The following DPF3 variants were observed in gnomAD, a reference collection of about 807,000 sequenced individuals.
The protein encoded by DPF3 is double PHD fingers 3, also known as zinc finger protein DPF3.
A neutral mutation model predicts 56.8 loss-of-function variants in DPF3; 18 were observed. The ratio of observed to expected loss-of-function variants is 0.32; its 90% CI spans 0.22 to 0.47. The LOEUF (loss-of-function observed/expected upper bound fraction) is 0.47. DPF3 is among the 20% of genes least tolerant of loss of function. The pLI is 1.00. For synonymous variants in DPF3, 188 were observed against 180.2 expected (o/e 1.04, Z -0.35); for missense variants, 403 against 488.8 (o/e 0.82, Z 1.65).
chr14:72,753,141 A>C (rs2139901066), intron 3 of DPF3, 123 bp downstream of exon 3: 6 of 776,146 alleles, frequency 7.7e-6, no homozygotes, highest in Non-Finnish European at 1.0e-5. Context: ...TGATGTGGGC[A>C]TGTTCCCTCT....
chr14:72,644,975 C>A (rs1733144416), intron 8 of DPF3, among the ~76,000 whole-genome samples: 1 of 152,218 alleles, frequency 6.6e-6, no homozygotes, highest in Non-Finnish European at 1.5e-5. Context: ...TGGATAAGAC[C>A]TTATGATCCT....
At chr14:72,645,650 T>A (rs1885702055) in intron 8 of DPF3, among the ~76,000 whole-genome samples, 1 of 152,210 alleles carries the variant, frequency 6.6e-6, no homozygotes, top group Non-Finnish European at 1.5e-5. Context: ...CAGCATGAAG[T>A]AAGCTTCTTA....
chr14:72,750,351 C>T (rs547030145), intron 3 of DPF3, among the ~76,000 whole-genome samples: 4 of 152,214 alleles, frequency 2.6e-5, no homozygotes, highest in African/African-American at 9.6e-5. Flanking sequence ...TGCTAAAAGT[C>T]TTTGCTTCTA....
intron 1 of DPF3, among the ~76,000 whole-genome samples, chr14:72,795,229 C>T (rs888974562): frequency 6.1e-5 from 9 of 146,466 alleles, no homozygotes; most frequent in African/African-American, 2.0e-4. Flanking sequence ...TTGAAAGAAA[C>T]GCAGTTATGT....
At chr14:72,781,845 T>C (rs1048220154) in intron 1 of DPF3, among the ~76,000 whole-genome samples, 3 of 152,152 alleles carry the variant, frequency 2.0e-5, no homozygotes, top group African/African-American at 7.2e-5. Context: ...CTAAAGAATG[T>C]GTAGAATGCA....
intron 1 of DPF3, among the ~76,000 whole-genome samples, chr14:72,803,528 A>T (rs1205890174): frequency 6.6e-6 from 1 of 152,220 alleles, no homozygotes; most frequent in Non-Finnish European, 1.5e-5. Context: ...ATTTTTAGAT[A>T]CAAGACACAA....
chr14:72,696,112 C>T (rs1887889344), intron 6 of DPF3, among the ~76,000 whole-genome samples: 1 of 152,056 alleles, frequency 6.6e-6, no homozygotes, highest in African/African-American at 2.4e-5. Flanking sequence ...ATTTAGTTGC[C>T]AGGCATACTG....
chr14:72,629,586 T>G, intron 9 of DPF3, 38 bp downstream of exon 9: 1 of 1,512,804 alleles, frequency 6.6e-7, no homozygotes, highest in Non-Finnish European at 8.9e-7. Flanking sequence ...CCCAGCTCTG[T>G]GGATTTCTCC....
At chr14:72,647,564 A>G (rs912737929) in intron 8 of DPF3, among the ~76,000 whole-genome samples, 2 of 152,234 alleles carry the variant, frequency 1.3e-5, no homozygotes, top group Non-Finnish European at 2.9e-5. Flanking sequence ...TTAAAAACAA[A>G]CACAAATGCC....
At chr14:72,671,280 C>T (rs559967863) in intron 8 of DPF3, 353 of 1,613,986 alleles carry the variant, frequency 2.2e-4, no homozygotes, top group Non-Finnish European at 2.1e-4. Context: ...ATAAGTCCTC[C>T]GTGGTACGTG....
At chr14:72,713,819 G>A (rs1888765040) in intron 6 of DPF3, among the ~76,000 whole-genome samples, 1 of 152,172 alleles carries the variant, frequency 6.6e-6, no homozygotes, top group South Asian at 2.1e-4. Context: ...CCCTAGCTCT[G>A]TCTGCACGCC....
At chr14:72,777,145 C>A (rs1030193938) in intron 1 of DPF3, among the ~76,000 whole-genome samples, 1 of 152,182 alleles carries the variant, frequency 6.6e-6, no homozygotes, top group Non-Finnish European at 1.5e-5. Flanking sequence ...CCCCCAGAGG[C>A]GCCTCTTCCT....
chr14:72,812,482 C>T (rs542649085), intron 1 of DPF3, among the ~76,000 whole-genome samples: 134 of 152,222 alleles, frequency 8.8e-4, no homozygotes, highest in African/African-American at 3.1e-3. Flanking sequence ...GCAACATCCT[C>T]GGCAAGTCTG....
chr14:72,709,105 C>T (rs1044215758), intron 6 of DPF3, among the ~76,000 whole-genome samples: 1 of 152,260 alleles, frequency 6.6e-6, no homozygotes, highest in African/African-American at 2.4e-5. Context: ...AGACCCTAGA[C>T]CCTATTCTGA....
At chr14:72,888,041 G>A (rs990677239) in intron 1 of DPF3, among the ~76,000 whole-genome samples, 2 of 152,148 alleles carry the variant, frequency 1.3e-5, no homozygotes, top group Non-Finnish European at 1.5e-5. Flanking sequence ...AGGAGAGGGT[G>A]CAAAGTGGGG....
At chr14:72,687,511 G>A (rs1887464101) in intron 7 of DPF3, among the ~76,000 whole-genome samples, 1 of 152,102 alleles carries the variant, frequency 6.6e-6, no homozygotes, top group South Asian at 2.1e-4. Flanking sequence ...TACACAGAGG[G>A]GCATAGAAGA....
intron 3 of DPF3, among the ~76,000 whole-genome samples, chr14:72,747,981 G>T (rs1367273184): frequency 2.6e-5 from 4 of 152,218 alleles, no homozygotes; most frequent in Non-Finnish European, 4.4e-5. Flanking sequence ...TGTGAAAACA[G>T]ACTAATGCAG....
intron 2 of DPF3, among the ~76,000 whole-genome samples, chr14:72,756,928 A>AAGAAGAGAAGAGAAG (rs1555504030): frequency 2.7e-4 from 37 of 139,170 alleles, no homozygotes; most frequent in African/African-American, 9.6e-4. Flanking sequence ...GAAAGAAAGA[A>AAGAAGAGAAGAGAAG]AGAAGAGAAG....
chr14:72,631,646 A>T (rs894016961), intron 8 of DPF3, among the ~76,000 whole-genome samples: 2 of 152,220 alleles, frequency 1.3e-5, no homozygotes, highest in African/African-American at 4.8e-5. Flanking sequence ...ACTATTCATT[A>T]ACTTACGAAG....
Sources: gnomAD v4.1 joint callset for allele counts (sites outside exome capture counted in the v4.1 genomes callset) on GRCh38, gnomAD v4.1.1 for gene constraint, MANE v1.5 for transcripts, NCBI Gene and HGNC (gene_info 2026-07-23, HGNC 2026-07-21) for gene names.